Variants in CCSER1 observed in about 807,000 individuals in gnomAD.
CCSER1 encodes the protein coiled-coil serine rich protein 1.
CCSER1 carries 41 observed loss-of-function variants against 82.0 expected under a neutral mutation model. That is an observed-to-expected ratio of 0.50 (90% CI 0.39 to 0.65). The LOEUF is 0.65. Among genes scored for constraint, CCSER1 ranks in the 30% least tolerant of loss-of-function variants. The pLI, the probability that CCSER1 is intolerant of heterozygous loss-of-function variation, is 0.00. For missense variants in CCSER1, 1,119 were observed against 1,064.2 expected, an observed-to-expected ratio of 1.05 and a Z score of -0.72; for synonymous variants, 414 against 383.9, an observed-to-expected ratio of 1.08 and a Z score of -0.92.
At chr4:90,703,779 G>A (rs925418947) in intron 6 of CCSER1, among the ~76,000 whole-genome samples, 4 of 152,100 alleles carry the variant, frequency 2.6e-5, no homozygotes, top group Non-Finnish European at 5.9e-5. Flanking sequence ...TGTTTTATCA[G>A]AGACTAGGAT....
At chr4:90,531,836 A>G (rs145229916) in intron 5 of CCSER1, among the ~76,000 whole-genome samples, 1 of 152,240 alleles carries the variant, frequency 6.6e-6, no homozygotes, top group East Asian at 1.9e-4. Context: ...TTCTTATTAA[A>G]TTTTGCTCAA....
chr4:90,608,474 A>G (rs1001755931), intron 5 of CCSER1, among the ~76,000 whole-genome samples: 2 of 152,186 alleles, frequency 1.3e-5, no homozygotes, highest in Admixed American at 1.3e-4. Context: ...CAAGCTAAGC[A>G]CACGATATCC....
chr4:90,532,611 A>G (rs1204095463), intron 5 of CCSER1, among the ~76,000 whole-genome samples: 1 of 152,188 alleles, frequency 6.6e-6, no homozygotes, highest in Non-Finnish European at 1.5e-5. Flanking sequence ...GTAGCATGAA[A>G]GGAGCCGTAT....
At chr4:90,536,419 G>C (rs1224653769) in intron 5 of CCSER1, among the ~76,000 whole-genome samples, 2 of 152,150 alleles carry the variant, frequency 1.3e-5, no homozygotes, top group African/African-American at 4.8e-5. Context: ...TAGCAGGGAG[G>C]ATTAAGTGTA....
chr4:91,373,895 C>A (rs143446493), intron 10 of CCSER1, among the ~76,000 whole-genome samples: 68 of 152,198 alleles, frequency 4.5e-4, no homozygotes, highest in Middle Eastern at 3.4e-3. Context: ...AGTGAAACAG[C>A]CTTATTGCTG....
chr4:90,626,056 A>G (rs1723207420), intron 5 of CCSER1, among the ~76,000 whole-genome samples: 1 of 152,202 alleles, frequency 6.6e-6, no homozygotes, highest in Non-Finnish European at 1.5e-5. Flanking sequence ...GGAATTATAG[A>G]AATATAATTT....
At chr4:90,280,010 C>T (rs561946936) in intron 1 of CCSER1, among the ~76,000 whole-genome samples, 40 of 151,872 alleles carry the variant, frequency 2.6e-4, no homozygotes, top group Admixed American at 3.9e-4. Flanking sequence ...TAAGGGATCT[C>T]GTTTTAAGTA....
At chr4:91,147,281 C>T (rs913934849) in intron 10 of CCSER1, among the ~76,000 whole-genome samples, 8 of 152,174 alleles carry the variant, frequency 5.3e-5, no homozygotes, top group Non-Finnish European at 8.8e-5. Context: ...GTGGGGCTTG[C>T]CCAGCTCATT....
chr4:91,407,385 G>A (rs148487967), intron 10 of CCSER1, among the ~76,000 whole-genome samples: 4 of 152,168 alleles, frequency 2.6e-5, no homozygotes, highest in East Asian at 1.9e-4. Flanking sequence ...TCCTGTACCC[G>A]GGGTTGAAAT....
At chr4:91,521,494 C>G (rs1760468585) in intron 10 of CCSER1, among the ~76,000 whole-genome samples, 1 of 152,184 alleles carries the variant, frequency 6.6e-6, no homozygotes, top group Non-Finnish European at 1.5e-5. Flanking sequence ...ACACTCCCAC[C>G]AACAGCGTAA....
chr4:91,431,221 G>C (rs1477304745), intron 10 of CCSER1, among the ~76,000 whole-genome samples: 1 of 152,128 alleles, frequency 6.6e-6, no homozygotes, highest in Non-Finnish European at 1.5e-5. Context: ...GGGCAACAGA[G>C]CGAGACTCCA....
chr4:90,270,380 A>T (rs904066738), intron 1 of CCSER1, among the ~76,000 whole-genome samples: 2 of 152,112 alleles, frequency 1.3e-5, no homozygotes, highest in African/African-American at 4.8e-5. Flanking sequence ...TAGTCAATGT[A>T]ATAAATTGAC....
intron 7 of CCSER1, among the ~76,000 whole-genome samples, chr4:90,763,047 G>A (rs547725267): frequency 6.6e-6 from 1 of 152,000 alleles, no homozygotes; most frequent in Non-Finnish European, 1.5e-5. Context: ...GCTGTAAATG[G>A]TCAAAGTGAG....
chr4:91,583,313 CA>C (rs770992347), intron 10 of CCSER1, among the ~76,000 whole-genome samples: 1 of 150,706 alleles, frequency 6.6e-6, no homozygotes, highest in Non-Finnish European at 1.5e-5. Flanking sequence ...ATATGCTATG[CA>C]AAAAAAATTG....
intron 4 of CCSER1, among the ~76,000 whole-genome samples, chr4:90,453,967 G>GGAT (rs1318066199): frequency 2.0e-5 from 3 of 152,142 alleles, no homozygotes; most frequent in African/African-American, 7.2e-5. Context: ...AGGAGCCCTG[G>GGAT]GATGTGTGAG....
intron 5 of CCSER1, among the ~76,000 whole-genome samples, chr4:90,469,531 A>ACG (rs1192507808): frequency 1.3e-5 from 2 of 148,508 alleles, no homozygotes; most frequent in Admixed American, 1.4e-4. Flanking sequence ...CAAAACACAC[A>ACG]CACACACACA....
chr4:91,261,699 A>C (rs1581862664), intron 10 of CCSER1, among the ~76,000 whole-genome samples: 4 of 149,360 alleles, frequency 2.7e-5, no homozygotes, highest in Admixed American at 2.7e-4. Flanking sequence ...TATCACTGCC[A>C]CTTCACCCCT....
chr4:91,516,505 T>C (rs1760132947), intron 10 of CCSER1, among the ~76,000 whole-genome samples: 1 of 152,152 alleles, frequency 6.6e-6, no homozygotes, highest in Admixed American at 6.5e-5. Context: ...TTGTCAAAGA[T>C]TAGATGGTTG....
chr4:91,279,148 T>C (rs1237522553), intron 10 of CCSER1, among the ~76,000 whole-genome samples: 1 of 152,118 alleles, frequency 6.6e-6, no homozygotes, highest in Non-Finnish European at 1.5e-5. Context: ...GTTAGTCTGA[T>C]GGAATTGCCT....
Sources: gnomAD v4.1 joint callset for allele counts (sites outside exome capture counted in the v4.1 genomes callset) on GRCh38, gnomAD v4.1.1 for gene constraint, MANE v1.5 for transcripts, NCBI Gene and HGNC (gene_info 2026-07-23, HGNC 2026-07-21) for gene names.